PHACTR1: variants seen among roughly 807,000 people sequenced by gnomAD.
PHACTR1 encodes RPEL repeat containing 1.
In PHACTR1, 16 loss-of-function variants were observed where a neutral mutation model predicts 69.2. That is an observed-to-expected ratio of 0.23 (90% confidence interval 0.16 to 0.35). The LOEUF is 0.35. Among genes scored for constraint, PHACTR1 ranks in the 10% least tolerant of loss-of-function variants. The pLI is 1.00. For missense variants in PHACTR1, 510 were observed against 734.7 expected (o/e 0.69, Z 3.54); for synonymous variants, 312 against 284.5 (o/e 1.10, Z -0.97).
chr6:13,231,048 G>GA (rs1770862794), intron 10 of PHACTR1, among the ~76,000 whole-genome samples: 1 of 1,322 alleles, frequency 7.6e-4, no homozygotes, highest in Non-Finnish European at 1.8e-3. Context: ...AGAGAGAAAG[G>GA]AAGGAAGGAA....
intron 5 of PHACTR1, among the ~76,000 whole-genome samples, chr6:13,139,915 T>C (rs970030529): frequency 2.6e-5 from 4 of 152,336 alleles, no homozygotes; most frequent in Admixed American, 6.5e-5. Flanking sequence ...TGCAGAGAAT[T>C]CAAAAGTCTT....
chr6:12,843,462 C>CGT (rs773256855), intron 4 of PHACTR1, among the ~76,000 whole-genome samples: 2 of 152,006 alleles, frequency 1.3e-5, no homozygotes, highest in Non-Finnish European at 2.9e-5. Context: ...CAGTTATGCA[C>CGT]GTGTGTGTGT....
At position 13,180,271 on chromosome 6, in the gene PHACTR1, G is replaced by A. The variant is rs556582884; in HGVS notation, c.497-2248G>A. The stretch of plus-strand genomic sequence containing the variant: ...GTTTTTACTTTTTCAAAGGAAATGT[G>A]TATTTAGCAATTATAACAGTGGAGT... On this transcript the variant is annotated intron_variant, in intron 6 of 14. Transcript: ENST00000332995. 2.0e-5 allele frequency among the ~76,000 whole-genome samples: 3 copies of A among 152,280 alleles called. No individual in the cohort carries two copies. In the South Asian group the frequency reaches 6.2e-4, roughly 32 times the overall value.
chr6:13,207,701 G>A (rs1299438808), intron 8 of PHACTR1, among the ~76,000 whole-genome samples: 1 of 152,202 alleles, frequency 6.6e-6, no homozygotes, highest in East Asian at 1.9e-4. Context: ...GTGCCCTGGT[G>A]TAACAAGGAG....
intron 5 of PHACTR1, among the ~76,000 whole-genome samples, chr6:13,084,990 T>C (rs1812037879): frequency 6.6e-6 from 1 of 151,988 alleles, no homozygotes; most frequent in Non-Finnish European, 1.5e-5. Flanking sequence ...GGGGGAGAAA[T>C]ATTAATAAAT....
chr6:13,128,855 C>T (rs1424876488), intron 5 of PHACTR1, among the ~76,000 whole-genome samples: 32 of 152,070 alleles, frequency 2.1e-4, no homozygotes, highest in Admixed American at 2.0e-3. Flanking sequence ...ATTCATCAAG[C>T]TATCTAAAGT....
At chr6:13,199,088 C>T (rs1359657337) in intron 7 of PHACTR1, among the ~76,000 whole-genome samples, 1 of 152,124 alleles carries the variant, frequency 6.6e-6, no homozygotes, top group Non-Finnish European at 1.5e-5. Flanking sequence ...GATGGAAACA[C>T]TACTTTAAGA....
chr6:12,951,390 G>C (rs1467081373), intron 4 of PHACTR1, among the ~76,000 whole-genome samples: 2 of 152,164 alleles, frequency 1.3e-5, no homozygotes, highest in Non-Finnish European at 2.9e-5. Context: ...TCCATACAAA[G>C]ACCCTTAGTT....
intron 5 of PHACTR1, among the ~76,000 whole-genome samples, chr6:13,068,754 G>C (rs547956167): frequency 2.0e-5 from 3 of 152,170 alleles, no homozygotes; most frequent in Non-Finnish European, 4.4e-5. Context: ...GCTTTATCCT[G>C]TTTCTCCTTT....
At chr6:12,813,940 C>T (rs748166456) in intron 4 of PHACTR1, among the ~76,000 whole-genome samples, 1 of 152,212 alleles carries the variant, frequency 6.6e-6, no homozygotes, top group Non-Finnish European at 1.5e-5. Context: ...TGACAAGCTG[C>T]ACAGGGGATT....
chr6:12,830,788 G>T (rs1209664187), intron 4 of PHACTR1, among the ~76,000 whole-genome samples: 1 of 151,658 alleles, frequency 6.6e-6, no homozygotes, highest in Non-Finnish European at 1.5e-5. Flanking sequence ...TAGAAATGGG[G>T]TTTCATCATG....
At chr6:12,872,706 C>A (rs1223515550) in intron 4 of PHACTR1, among the ~76,000 whole-genome samples, 4 of 152,084 alleles carry the variant, frequency 2.6e-5, no homozygotes, top group African/African-American at 9.7e-5. Flanking sequence ...ACATCAAATG[C>A]CCCCCGAAGT....
chr6:13,161,152 G>A lies in PHACTR1; in HGVS notation c.496+868G>A, dbSNP rs1403678426. On this transcript the variant is annotated intron_variant, in intron 6 of 14. Transcript: ENST00000332995. ...GTATCACCACACCTGGCCAATTTTT[G>A]TATTTTTGTGCAGACAGGGTCCCAC... Among the ~76,000 whole-genome samples the A allele has an allele frequency of 3.3e-5, 5 of 152,068 alleles. No individual in the cohort carries two copies. The South Asian group carries it at 8.3e-4, about 25-fold the overall frequency.
At chr6:13,039,067 T>C (rs1803783743) in intron 4 of PHACTR1, among the ~76,000 whole-genome samples, 1 of 152,230 alleles carries the variant, frequency 6.6e-6, no homozygotes, top group South Asian at 2.1e-4. Context: ...TGGGAAACAT[T>C]CTTTTAGTAG....
At chr6:12,830,333 G>GAA (rs11434951) in intron 4 of PHACTR1, among the ~76,000 whole-genome samples, 213 of 139,862 alleles carry the variant, frequency 1.5e-3, no homozygotes, top group Admixed American at 2.4e-3. Context: ...AAGGGCTTTA[G>GAA]AAAAAAAAAA....
At chr6:12,815,737 C>T (rs191981966) in intron 4 of PHACTR1, among the ~76,000 whole-genome samples, 2 of 152,316 alleles carry the variant, frequency 1.3e-5, no homozygotes, top group African/African-American at 2.4e-5. Context: ...CTTCTTCTCT[C>T]TGTATAAACC....
At chr6:13,044,569 G>A (rs1490183572) in intron 4 of PHACTR1, among the ~76,000 whole-genome samples, 3 of 152,102 alleles carry the variant, frequency 2.0e-5, no homozygotes, top group Non-Finnish European at 2.9e-5. Context: ...GCGTCAGGAC[G>A]GAGATGAACT....
chr6:13,026,288 C>T (rs1378232239), intron 4 of PHACTR1, among the ~76,000 whole-genome samples: 6 of 152,132 alleles, frequency 3.9e-5, no homozygotes, highest in South Asian at 2.1e-4. Context: ...GAAAACAGAG[C>T]GCCCCTGGGA....
intron 5 of PHACTR1, among the ~76,000 whole-genome samples, chr6:13,075,049 A>G (rs1164125079): frequency 6.6e-6 from 1 of 152,228 alleles, no homozygotes; most frequent in Admixed American, 6.5e-5. Context: ...TATTTGAATC[A>G]TTGTCATATG....
Sources: gnomAD v4.1 joint callset for allele counts (sites outside exome capture counted in the v4.1 genomes callset) on GRCh38, gnomAD v4.1.1 for gene constraint, MANE v1.5 for transcripts, NCBI Gene and HGNC (gene_info 2026-07-23, HGNC 2026-07-21) for gene names.